IKZF4: variants seen among roughly 807,000 people sequenced by gnomAD.
IKZF4 encodes IKAROS family zinc finger 4.
Under a neutral mutation model 47.7 loss-of-function variants are expected in IKZF4, and 11 were observed. The ratio of observed to expected loss-of-function variants is 0.23; its 90% CI spans 0.15 to 0.38. The LOEUF (loss-of-function observed/expected upper bound fraction) is 0.38. Ranked by LOEUF, IKZF4 falls within the 10% of genes least tolerant of loss-of-function variation. The pLI is 1.00. For missense variants in IKZF4, 557 were observed against 784.9 expected, an observed-to-expected ratio of 0.71 and a Z score of 3.47; for synonymous variants, 298 against 299.4, an observed-to-expected ratio of 1.00 and a Z score of 0.05.
chr12:56,024,877 C>T (rs1592946195), intron 2 of IKZF4, 177 bp from the exon 3 acceptor site: 2 of 1,488,284 alleles, frequency 1.3e-6, no homozygotes, highest in East Asian at 2.6e-5. Flanking sequence ...GAAGGCAGCA[C>T]CAGGCATCCA....
At chr12:56,013,716 C>T (rs764441768) in intron 2 of IKZF4, among the ~76,000 whole-genome samples, 3 of 152,052 alleles carry the variant, frequency 2.0e-5, no homozygotes, top group East Asian at 1.9e-4. Context: ...GAAGGCTGGG[C>T]GGGATGTGCT....
chr12:56,024,562 C>A, intron 2 of IKZF4: 1 of 827,194 alleles, frequency 1.2e-6, no homozygotes, highest in Non-Finnish European at 1.5e-6. Flanking sequence ...CAGAATAAAG[C>A]CTGGCACATA....
intron 5 of IKZF4, among the ~76,000 whole-genome samples, chr12:56,028,532 CAAAAAAAAAAAAAAAA>C (rs56380320): frequency 1.9e-5 from 1 of 52,948 alleles, no homozygotes; most frequent in Non-Finnish European, 3.7e-5. Flanking sequence ...CACTCAGTCT[CAAAAAAAAAAAAAAAA>C]AAAAAAAAAA....
At chr12:56,024,957 T>G in intron 2 of IKZF4, 97 bp from the exon 3 acceptor site, 1 of 1,541,368 alleles carries the variant, frequency 6.5e-7, no homozygotes, top group South Asian at 1.2e-5. Flanking sequence ...GAAGGAAATG[T>G]TTGTGAAATT....
chr12:56,017,936 C>A (rs1433847890), upstream of IKZF4, among the ~76,000 whole-genome samples: 1 of 152,208 alleles, frequency 6.6e-6, no homozygotes, highest in Non-Finnish European at 1.5e-5. Flanking sequence ...GATCCTCCCA[C>A]CTTCTTTCCA....
rs767340930 is a variant in IKZF4 at position 56,025,054 on chromosome 12, G to A, written c.182G>A (p.Ser61Asn). The A allele has an allele frequency of 3.0e-5, 47 of 1,579,812 alleles. No homozygotes were observed. The highest frequency in any genetic ancestry group is 3.3e-4 in the Middle Eastern group (2 of 6,040). ...HFIMESLFCE[S>N]SGDSSLEKEF... ...CTGCCCTCTTGTTCTCTCCTCCAAG[G>A]TAGCGGGGACTCATCTCTGGAGAAG... Residue 61 changes from serine to asparagine, a missense_variant and splice_region_variant, in exon 3 of 8, where the codon AGT becomes AAT. Ser to Asn is a conservative substitution (Grantham distance 46, BLOSUM62 1). Around this residue, in one of 6 missense-constraint regions of IKZF4, gnomAD observed 112 missense variants for 168.2 expected, o/e 0.67. Transcript: ENST00000547167.
chr12:56,038,361 G>A lies in IKZF4; in HGVS notation c.*3030G>A, dbSNP rs1309667920. 5 of 152,460 alleles carry A rather than the reference G, an allele frequency of 3.3e-5. No individual in the cohort carries two copies. Among genetic ancestry groups the A allele is most frequent in the African/African-American group, 7.2e-5 (3 of 41,392 alleles). The allele number at this position is 152,460 out of a possible 1,614,324, so 9.4% of individuals were successfully genotyped here. A position where few individuals can be genotyped will look rare whatever the true frequency, so the allele number is the denominator to read the frequency against. On this transcript the variant is annotated 3_prime_UTR_variant, in exon 8 of 8. Coordinates refer to ENST00000547167, the MANE Select transcript of IKZF4 (RefSeq NM_022465.4). ...TATTGTAAGTAAATATTTGTGTAAC[G>A]GAGATATACTACTGTAAGTTTTGTA... is the stretch of plus-strand genomic sequence containing the variant.
intron 5 of IKZF4, chr12:56,029,793 G>A (rs1894616242): frequency 6.6e-6 from 1 of 152,156 alleles, no homozygotes; most frequent in Admixed American, 6.5e-5. Flanking sequence ...TGAGTTGCGG[G>A]TCACATAGCT....
chr12:56,023,666 C>T lies in IKZF4; in HGVS notation c.88-5C>T. The T allele has an allele frequency of 6.2e-7, 1 of 1,613,642 alleles. No individual in the cohort carries two copies. Among genetic ancestry groups the T allele is most frequent in the South Asian group, 1.1e-5 (1 of 90,982 alleles). ...GAGTGGTTGTTTTCTTCCCACTGAC[C>T]AAAGCTGGAGAGGGATCCCTCAGGA... On this transcript the variant is annotated splice_region_variant and splice_polypyrimidine_tract_variant and intron_variant, in intron 1 of 7. Coordinates refer to ENST00000547167, the MANE Select transcript of IKZF4 (RefSeq NM_022465.4).
rs923724819 is a variant in IKZF4 at position 56,037,262 on chromosome 12, T to C, written c.*1931T>C. On this transcript the variant is annotated 3_prime_UTR_variant, in exon 8 of 8. Transcript: ENST00000547167. Reference sequence around the variant, plus strand: ...AGAACCAGATTGGCAGGGAGAAGCATTGTGGGGCAATTGTTCCTCCTTGAC... The same window carrying C: ...AGAACCAGATTGGCAGGGAGAAGCACTGTGGGGCAATTGTTCCTCCTTGAC... 2.0e-5 allele frequency: 3 copies of C among 152,612 alleles called. No individual in the cohort carries two copies. Among genetic ancestry groups the C allele is most frequent in the Non-Finnish European group, 2.9e-5 (2 of 68,040 alleles). The allele number at this position is 152,612 out of a possible 1,614,324, so 9.5% of individuals were successfully genotyped here.
intron 2 of IKZF4, chr12:56,024,804 G>A (rs759389437): frequency 3.0e-6 from 4 of 1,342,354 alleles, no homozygotes; most frequent in Non-Finnish European, 3.8e-6. Flanking sequence ...GTCAGGCAGT[G>A]ATGCTCTTGC....
chr12:56,013,955 A>T (rs1404881306), intron 2 of IKZF4, among the ~76,000 whole-genome samples: 1 of 152,202 alleles, frequency 6.6e-6, no homozygotes, highest in Non-Finnish European at 1.5e-5. Flanking sequence ...GTTCGAGAAC[A>T]GCCTGGCCAA....
In IKZF4 at chr12:56,035,552, A is replaced by G; in HGVS notation, c.*221A>G. On this transcript the variant is annotated 3_prime_UTR_variant, in exon 8 of 8. Coordinates refer to ENST00000547167, the MANE Select transcript of IKZF4 (RefSeq NM_022465.4). The surrounding 1 kb of genome is among the most constrained non-coding windows in gnomAD (Gnocchi z 6.1). ...TCTTTTGCTTATGTTTTTCCTTTTT[A>G]TCTTCTCTCATCCCAGCATACTGAG... is the stretch of plus-strand genomic sequence containing the variant. The G allele has an allele frequency of 2.2e-6, 1 of 463,670 alleles. No homozygotes were observed. The highest frequency in any genetic ancestry group is 4.8e-5 in the South Asian group (1 of 20,792). 28.7% of individuals were successfully genotyped at this position (463,670 alleles called of 1,614,324 possible). A position where few individuals can be genotyped will look rare whatever the true frequency, so the allele number is the denominator to read the frequency against.
At chr12:56,025,010 T>C in intron 2 of IKZF4, 44 bp from the exon 3 acceptor site, 9 of 1,554,132 alleles carry the variant, frequency 5.8e-6, no homozygotes, top group Non-Finnish European at 7.0e-6. Flanking sequence ...ACAGTAGATA[T>C]CTCCAGCTCC....
Position 56,021,141 on chromosome 12 carries a change from CACCA to C in IKZF4, c.-352_-349del. 7.1e-7 allele frequency: 1 copy of C among 1,409,740 alleles called. No homozygotes were observed. 87.3% of individuals were successfully genotyped at this position (1,409,740 alleles called of 1,614,324 possible). On this transcript the variant is annotated 5_prime_UTR_variant, in exon 1 of 8. Transcript: ENST00000547167. ...GCCTTTCCCTCCCTGTGCACACACC[CACCA>C]CCCACCCCCTTCACTGTCTTGGAAA...
chr12:56,009,300 A>G (rs1891075762), intron 1 of IKZF4, among the ~76,000 whole-genome samples: 2 of 152,234 alleles, frequency 1.3e-5, no homozygotes, highest in Admixed American at 1.3e-4. Context: ...CTGACTACCT[A>G]GAATATTTCC....
intron 7 of IKZF4, among the ~76,000 whole-genome samples, chr12:56,033,743 C>G: frequency 6.6e-6 from 1 of 152,034 alleles, no homozygotes; most frequent in East Asian, 1.9e-4. Context: ...AGAAAGAAAG[C>G]AGGCTGGTGG....
chr12:56,013,475 T>C (rs1169079122), intron 2 of IKZF4, among the ~76,000 whole-genome samples: 3 of 152,100 alleles, frequency 2.0e-5, no homozygotes, highest in Non-Finnish European at 2.9e-5. Flanking sequence ...GGATTACAGG[T>C]GTGAGCCACC....
At chr12:56,030,273 C>G (rs372480456) in intron 5 of IKZF4, among the ~76,000 whole-genome samples, 1 of 150,676 alleles carries the variant, frequency 6.6e-6, no homozygotes, top group East Asian at 1.9e-4. Context: ...AAAACAAAAA[C>G]AAAAACAAAA....
Sources: gnomAD v4.1 joint callset for allele counts (sites outside exome capture counted in the v4.1 genomes callset) on GRCh38, gnomAD v4.1.1 for gene constraint, gnomAD v4.1.1 regional missense constraint, Gnocchi (gnomAD v3.1) non-coding constraint, MANE v1.5 for transcripts, NCBI Gene and HGNC (gene_info 2026-07-23, HGNC 2026-07-21) for gene names.